TBC1D22A: variants seen among roughly 807,000 people sequenced by gnomAD.
TBC1D22A encodes the protein TBC1 domain family member 22A.
In TBC1D22A, 38 loss-of-function variants were observed where a neutral mutation model predicts 60.2. The ratio of observed to expected loss-of-function variants is 0.63; its 90% confidence interval spans 0.49 to 0.83. The LOEUF is 0.83. TBC1D22A is among the 40% of genes least tolerant of loss of function. The probability of loss-of-function intolerance (pLI) is 0.00; values close to 1 mark genes in which losing one functional copy is unlikely to be tolerated. For missense variants in TBC1D22A, 628 were observed against 701.0 expected (o/e 0.90, Z 1.18); for synonymous variants, 302 against 281.7 (o/e 1.07, Z -0.72).
chr22:47,098,007 A>T (rs536395801), intron 11 of TBC1D22A, among the ~76,000 whole-genome samples: 48 of 152,214 alleles, frequency 3.2e-4, no homozygotes, highest in South Asian at 1.7e-3. Context: ...CCTTTGGAGC[A>T]GCTCTCATGG....
intron 10 of TBC1D22A, among the ~76,000 whole-genome samples, chr22:47,015,446 A>T (rs553094316): frequency 3.3e-5 from 5 of 152,350 alleles, no homozygotes; most frequent in African/African-American, 1.2e-4. Flanking sequence ...CCCGTTTTAC[A>T]CTTGGCGCCT....
At chr22:47,125,688 T>C (rs2066427375) in intron 12 of TBC1D22A, among the ~76,000 whole-genome samples, 1 of 152,210 alleles carries the variant, frequency 6.6e-6, no homozygotes, top group South Asian at 2.1e-4. Flanking sequence ...AGATCTTTCT[T>C]TCTGTGGCTC....
rs1459835010 is a variant in TBC1D22A, at chr22:46,921,396, A to G, written c.1015+9208A>G. On this transcript the variant is annotated intron_variant, in intron 8 of 12. Transcript: ENST00000337137. ...AGGATAATGACCTCCATCTCCGTCC[A>G]TGTTGCTACAAAGGATGTGATCTTG... Among the ~76,000 whole-genome samples, 50 of 152,200 alleles carry G rather than the reference A, an allele frequency of 3.3e-4. 1 individual carries two copies. The highest frequency in any genetic ancestry group is 2.9e-5 in the Non-Finnish European group (2 of 68,040).
At chr22:46,941,586 T>TATATATACGCGGAAC (rs2072098626) in intron 8 of TBC1D22A, among the ~76,000 whole-genome samples, 6 of 140,726 alleles carry the variant, frequency 4.3e-5, no homozygotes, top group Non-Finnish European at 8.0e-5. Flanking sequence ...ATACAGGGAA[T>TATATATACGCGGAAC]ATATATACGG....
intron 4 of TBC1D22A, among the ~76,000 whole-genome samples, chr22:46,798,956 G>A (rs1195208955): frequency 6.6e-6 from 1 of 152,192 alleles, no homozygotes; most frequent in Non-Finnish European, 1.5e-5. Flanking sequence ...AGGCGGGGGA[G>A]GGCTCTTGGA....
chr22:47,097,525 T>A (rs910340804), intron 11 of TBC1D22A, among the ~76,000 whole-genome samples: 5 of 151,866 alleles, frequency 3.3e-5, no homozygotes, highest in Non-Finnish European at 7.4e-5. Context: ...GAGACAGAAT[T>A]GCTTGAACTT....
chr22:46,910,679 C>T (rs1460291602), intron 7 of TBC1D22A, among the ~76,000 whole-genome samples: 3 of 152,028 alleles, frequency 2.0e-5, no homozygotes, highest in Non-Finnish European at 4.4e-5. Context: ...GAGTGGTTGG[C>T]TCTTCCAAAA....
chr22:47,014,634 C>G (rs957005332), intron 10 of TBC1D22A, among the ~76,000 whole-genome samples: 1 of 152,244 alleles, frequency 6.6e-6, no homozygotes, highest in African/African-American at 2.4e-5. Context: ...CTAACAGTAT[C>G]TCCGCCTGAC....
intron 10 of TBC1D22A, 148 bp from the exon 11 acceptor site, chr22:47,036,923 C>T: frequency 1.2e-6 from 1 of 838,884 alleles, no homozygotes; most frequent in Non-Finnish European, 1.8e-6. Context: ...AGAATCAGTT[C>T]TTTGCTCCTT....
chr22:47,153,880 C>G (rs2067605581), intron 12 of TBC1D22A, among the ~76,000 whole-genome samples: 2 of 152,088 alleles, frequency 1.3e-5, no homozygotes, highest in Non-Finnish European at 2.9e-5. Flanking sequence ...GACGATGAGT[C>G]CCGTGTGGAG....
chr22:46,882,504 T>G lies in TBC1D22A; in HGVS notation c.708+3781T>G, dbSNP rs375123759. ...AACTGGGAAGCAGGTCATTGAAAGT[T>G]ATGCGCTATGCCCGCCACTGCAGGC... is the stretch of plus-strand genomic sequence containing the variant. On this transcript the variant is annotated intron_variant, in intron 5 of 12. Transcript: ENST00000337137. Among the ~76,000 whole-genome samples the G allele has an allele frequency of 8.4e-4, 128 of 152,178 alleles. 1 individual carries two copies. The highest frequency in any genetic ancestry group is 3.4e-3 in the Middle Eastern group (1 of 294).
intron 12 of TBC1D22A, among the ~76,000 whole-genome samples, chr22:47,147,315 T>C (rs2067319055): frequency 6.6e-6 from 1 of 152,226 alleles, no homozygotes. Flanking sequence ...CCGTAAAAGG[T>C]GTTTTGTTCT....
intron 11 of TBC1D22A, among the ~76,000 whole-genome samples, chr22:47,047,196 G>A (rs906387913): frequency 1.3e-5 from 2 of 152,180 alleles, no homozygotes; most frequent in Non-Finnish European, 2.9e-5. Flanking sequence ...TAGCAATTCT[G>A]TGATATACCA....
At chr22:47,107,295 T>C (rs931642104) in intron 11 of TBC1D22A, among the ~76,000 whole-genome samples, 1 of 152,206 alleles carries the variant, frequency 6.6e-6, no homozygotes, top group African/African-American at 2.4e-5. Context: ...AATGAGAGCA[T>C]GTGAATTAAC....
chr22:46,899,511 T>C (rs923531093), intron 7 of TBC1D22A, among the ~76,000 whole-genome samples: 1 of 152,098 alleles, frequency 6.6e-6, no homozygotes. Context: ...TTTCTGGCAT[T>C]GTAGAGGTGC....
chr22:46,768,597 C>A (rs1462748753), intron 1 of TBC1D22A, among the ~76,000 whole-genome samples: 1 of 152,094 alleles, frequency 6.6e-6, no homozygotes, highest in African/African-American at 2.4e-5. Flanking sequence ...CTGTTGCTTT[C>A]CGCAGTTGCA....
chr22:46,841,728 C>T (rs1013355659), intron 4 of TBC1D22A, among the ~76,000 whole-genome samples: 1 of 152,150 alleles, frequency 6.6e-6, no homozygotes, highest in South Asian at 2.1e-4. Flanking sequence ...TATAAACTTT[C>T]GTTTATACGA....
intron 4 of TBC1D22A, among the ~76,000 whole-genome samples, chr22:46,857,697 C>G (rs1314587906): frequency 6.6e-6 from 1 of 152,016 alleles, no homozygotes; most frequent in African/African-American, 2.4e-5. Context: ...CAGGAATCTG[C>G]TTTCTGTCTC....
At position 46,762,760 on chromosome 22, in the gene TBC1D22A, C is replaced by G. The variant is rs2083142357; in HGVS notation, c.-27C>G. On this transcript the variant is annotated 5_prime_UTR_variant, in exon 1 of 13. Coordinates refer to ENST00000337137, the MANE Select transcript of TBC1D22A (RefSeq NM_014346.5). ...CCGGGTGCACTCGGGGTGTCTGGGCCGCGGGTCTGAGGGATGAGGAGGGGC... is the reference window on the plus strand; with the variant it reads ...CCGGGTGCACTCGGGGTGTCTGGGCGGCGGGTCTGAGGGATGAGGAGGGGC... The G allele has an allele frequency of 1.4e-6, 2 of 1,418,574 alleles. No individual in the cohort carries two copies. Among genetic ancestry groups the G allele is most frequent in the Admixed American group, 7.8e-5 (2 of 25,706 alleles). The allele number at this position is 1,418,574 out of a possible 1,614,324, so 87.9% of individuals were successfully genotyped here. A position where few individuals can be genotyped will look rare whatever the true frequency, so the allele number is the denominator to read the frequency against.
Sources: allele counts gnomAD v4.1 joint callset (sites outside exome capture counted in the v4.1 genomes callset), GRCh38; gene constraint gnomAD v4.1.1; transcripts MANE v1.5; gene names NCBI Gene and HGNC (gene_info 2026-07-23, HGNC 2026-07-21).